The following ADGRL3 variants were observed in gnomAD, a reference collection of about 807,000 sequenced individuals.
ADGRL3 encodes adhesion G protein-coupled receptor L3, also known as calcium-independent alpha-latrotoxin receptor 3.
ADGRL3 carries 62 observed loss-of-function variants against 153.5 expected under a neutral mutation model. The observed-to-expected ratio is 0.40, with a 90% confidence interval of 0.33 to 0.50. The LOEUF is 0.50. Among genes scored for constraint, ADGRL3 ranks in the 20% least tolerant of loss-of-function variants. The pLI is 0.47. For missense variants in ADGRL3, 1,641 were observed against 1,859.4 expected (o/e 0.88, Z 2.16); for synonymous variants, 710 against 672.5 (o/e 1.06, Z -0.86).
At chr4:61,567,126 C>T (rs1223425749) in intron 4 of ADGRL3, among the ~76,000 whole-genome samples, 1 of 152,158 alleles carries the variant, frequency 6.6e-6, no homozygotes, top group Non-Finnish European at 1.5e-5. Flanking sequence ...TTTTAAAGGA[C>T]CTTTGAGTTC....
At chr4:61,275,085 A>G (rs576106301) in intron 1 of ADGRL3, among the ~76,000 whole-genome samples, 1 of 152,266 alleles carries the variant, frequency 6.6e-6, no homozygotes, top group South Asian at 2.1e-4. Flanking sequence ...AACTGAGGGC[A>G]CTTTTAGCCT....
At chr4:61,993,977 C>T (rs1349748132) in intron 19 of ADGRL3, among the ~76,000 whole-genome samples, 1 of 152,116 alleles carries the variant, frequency 6.6e-6, no homozygotes, top group Non-Finnish European at 1.5e-5. Flanking sequence ...TCACTAATAG[C>T]ATTTTTTCGA....
chr4:61,549,345 C>T (rs747055957), intron 4 of ADGRL3, among the ~76,000 whole-genome samples: 8 of 151,984 alleles, frequency 5.3e-5, no homozygotes, highest in Non-Finnish European at 7.4e-5. Context: ...CCAAGGCTTC[C>T]AGTACTCTGT....
At chr4:61,588,091 T>A (rs1006365339) in intron 5 of ADGRL3, among the ~76,000 whole-genome samples, 5 of 151,670 alleles carry the variant, frequency 3.3e-5, no homozygotes, top group Middle Eastern at 4.3e-3. Flanking sequence ...TTATATAAGG[T>A]TTAAATTATG....
chr4:61,493,296 C>T (rs1423757098), intron 2 of ADGRL3, among the ~76,000 whole-genome samples: 1 of 152,042 alleles, frequency 6.6e-6, no homozygotes, highest in African/African-American at 2.4e-5. Flanking sequence ...TTATAAATTC[C>T]GTTTCCCACC....
At chr4:61,512,128 A>G (rs918321719) in intron 3 of ADGRL3, among the ~76,000 whole-genome samples, 1 of 71,168 alleles carries the variant, frequency 1.4e-5, no homozygotes, top group South Asian at 6.3e-4. Flanking sequence ...TTTCCCTTTT[A>G]TTATATATGT....
chr4:61,310,981 GA>G (rs918671807), intron 1 of ADGRL3, among the ~76,000 whole-genome samples: 5 of 151,228 alleles, frequency 3.3e-5, no homozygotes, highest in African/African-American at 7.3e-5. Flanking sequence ...CTTTGATAGG[GA>G]AAAAAATGGA....
At chr4:61,826,583 G>C (rs1342406320) in intron 9 of ADGRL3, among the ~76,000 whole-genome samples, 1 of 152,200 alleles carries the variant, frequency 6.6e-6, no homozygotes, top group Admixed American at 6.5e-5. Flanking sequence ...GCAGGGTCTT[G>C]TAAGACGTGA....
chr4:61,726,507 T>C (rs1231689486), intron 6 of ADGRL3, among the ~76,000 whole-genome samples: 2 of 152,044 alleles, frequency 1.3e-5, no homozygotes, highest in African/African-American at 4.8e-5. Flanking sequence ...CCTGGAACAT[T>C]TTTTATTTCA....
At chr4:61,736,230 A>G (rs1309250163) in intron 8 of ADGRL3, among the ~76,000 whole-genome samples, 2 of 152,084 alleles carry the variant, frequency 1.3e-5, no homozygotes, top group African/African-American at 4.8e-5. Context: ...AGAATGAATC[A>G]TTGTAATTGT....
At chr4:61,863,067 C>G (rs972648301) in intron 9 of ADGRL3, among the ~76,000 whole-genome samples, 2 of 152,104 alleles carry the variant, frequency 1.3e-5, no homozygotes, top group Admixed American at 6.5e-5. Context: ...CACTCCAATA[C>G]TGTGTGACTC....
At chr4:62,046,556 C>A in intron 25 of ADGRL3, among the ~76,000 whole-genome samples, 2 of 151,962 alleles carry the variant, frequency 1.3e-5, no homozygotes, top group Middle Eastern at 3.4e-3. Flanking sequence ...TTATCAAAAT[C>A]TCTAGTTTTA....
At chr4:61,507,027 A>G (rs2098435259) in intron 3 of ADGRL3, among the ~76,000 whole-genome samples, 2 of 152,222 alleles carry the variant, frequency 1.3e-5, no homozygotes, top group Admixed American at 6.5e-5. Flanking sequence ...ATATCACAAG[A>G]GTAGTAAACA....
chr4:61,834,381 C>T (rs538242069), intron 9 of ADGRL3, among the ~76,000 whole-genome samples: 1 of 152,088 alleles, frequency 6.6e-6, no homozygotes, highest in South Asian at 2.1e-4. Context: ...TGGGTTGGTT[C>T]CAAGTCTTTG....
intron 2 of ADGRL3, among the ~76,000 whole-genome samples, chr4:61,420,994 A>G (rs1322755082): frequency 6.6e-6 from 1 of 152,044 alleles, no homozygotes; most frequent in Non-Finnish European, 1.5e-5. Flanking sequence ...GGGGTAAAAT[A>G]CTTGTCTGTA....
intron 1 of ADGRL3, among the ~76,000 whole-genome samples, chr4:61,272,675 T>A (rs964736566): frequency 8.5e-5 from 13 of 152,122 alleles, no homozygotes; most frequent in Non-Finnish European, 2.9e-5. Context: ...TTTATTGACA[T>A]ACATCAAATT....
chr4:61,635,826 G>C (rs962647728), intron 5 of ADGRL3, among the ~76,000 whole-genome samples: 1 of 151,906 alleles, frequency 6.6e-6, no homozygotes, highest in Non-Finnish European at 1.5e-5. Flanking sequence ...TCTCCTCCTT[G>C]TGTCTTCACA....
chr4:61,389,877 T>C (rs2096782547), intron 2 of ADGRL3, among the ~76,000 whole-genome samples: 1 of 152,188 alleles, frequency 6.6e-6, no homozygotes, highest in South Asian at 2.1e-4. Flanking sequence ...GAATGATAGC[T>C]GCCAGTCAGT....
At chr4:61,820,328 A>G in intron 9 of ADGRL3, among the ~76,000 whole-genome samples, 1 of 152,168 alleles carries the variant, frequency 6.6e-6, no homozygotes. Flanking sequence ...CTTTATGTGC[A>G]TTCTTCAATT....
Sources: gnomAD v4.1 joint callset for allele counts (sites outside exome capture counted in the v4.1 genomes callset) on GRCh38, gnomAD v4.1.1 for gene constraint, MANE v1.5 for transcripts, NCBI Gene and HGNC (gene_info 2026-07-23, HGNC 2026-07-21) for gene names.